GPR161: variants seen among roughly 807,000 people sequenced by gnomAD.
GPR161 encodes G protein-coupled receptor 161, also known as G-protein coupled receptor RE2.
A neutral mutation model predicts 39.2 loss-of-function variants in GPR161; 25 were observed. That is an observed-to-expected ratio of 0.64 (90% CI 0.47 to 0.89). The LOEUF (loss-of-function observed/expected upper bound fraction) is 0.89. Among genes scored for constraint, GPR161 ranks in the 40% least tolerant of loss-of-function variants. The pLI, the probability that GPR161 is intolerant of heterozygous loss-of-function variation, is 0.00. For missense variants in GPR161, 547 were observed against 677.8 expected, an observed-to-expected ratio of 0.81 and a Z score of 2.14; for synonymous variants, 286 against 276.6, an observed-to-expected ratio of 1.03 and a Z score of -0.34.
At chr1:168,136,303 C>A in intron 1 of GPR161, 1 of 1,477,742 alleles carries the variant, frequency 6.8e-7, no homozygotes, top group Non-Finnish European at 9.0e-7. Flanking sequence ...CTTCTCCCCA[C>A]ACCCTTTGCC....
chr1:168,130,314 G>T (rs557233379), intron 1 of GPR161, among the ~76,000 whole-genome samples: 1 of 152,254 alleles, frequency 6.6e-6, no homozygotes, highest in African/African-American at 2.4e-5. Context: ...CAGCATCTTC[G>T]AACTTCCTTT....
At chr1:168,136,236 G>A in intron 1 of GPR161, 1 of 1,309,524 alleles carries the variant, frequency 7.6e-7, no homozygotes, top group Non-Finnish European at 9.8e-7. Context: ...CCTGAGTCCC[G>A]GCTGGGAGAA....
chr1:168,107,294 C>T (rs1379543842), intron 1 of GPR161, among the ~76,000 whole-genome samples: 1 of 152,168 alleles, frequency 6.6e-6, no homozygotes, highest in Non-Finnish European at 1.5e-5. Flanking sequence ...AATGCCTGTA[C>T]CTTCTGAAAC....
intron 1 of GPR161, among the ~76,000 whole-genome samples, chr1:168,112,041 T>G (rs1360754335): frequency 2.6e-5 from 4 of 151,986 alleles, no homozygotes; most frequent in Admixed American, 6.5e-5. Flanking sequence ...TTCTATAATA[T>G]TCAAGAGAAG....
chr1:168,109,632 T>G (rs1402443359), intron 1 of GPR161, among the ~76,000 whole-genome samples: 2 of 152,214 alleles, frequency 1.3e-5, no homozygotes, highest in African/African-American at 4.8e-5. Context: ...TTTTTTTCCA[T>G]GAGAAATCAA....
chr1:168,090,669 C>A lies in GPR161; in HGVS notation c.1100-1G>T. Reference sequence around the variant, plus strand: ...GTGAGGTGTGGGGACAGGCCCAGGTCTGAAAGACAAAATTGGCATTGACAA... The same window carrying A: ...GTGAGGTGTGGGGACAGGCCCAGGTATGAAAGACAAAATTGGCATTGACAA... On this transcript the variant is annotated splice_acceptor_variant, in intron 3 of 5. Transcript: ENST00000682931. LOFTEE classifies it high-confidence loss of function. 6.3e-7 allele frequency: 1 copy of A among 1,587,282 alleles called. No individual in the cohort carries two copies. Among genetic ancestry groups the A allele is most frequent in the South Asian group, 1.1e-5 (1 of 89,978 alleles).
intron 3 of GPR161, among the ~76,000 whole-genome samples, chr1:168,091,057 G>A (rs1272918399): frequency 6.6e-6 from 1 of 152,256 alleles, no homozygotes; most frequent in African/African-American, 2.4e-5. Context: ...ATCAAAGAGG[G>A]ATTTTTAAGA....
In GPR161 at chr1:168,085,424, G is replaced by A; in HGVS notation, c.*107C>T. ...AGATGCTGCTCCTTCCCTGTGTGTG[G>A]CCAGCTGTACACAGTGACATGCTCC... On this transcript the variant is annotated 3_prime_UTR_variant, in exon 6 of 6. Coordinates refer to ENST00000682931, the MANE Select transcript of GPR161 (RefSeq NM_001375883.1). The A allele has an allele frequency of 1.9e-6, 2 of 1,035,456 alleles. No individual in the cohort carries two copies. The highest frequency in any genetic ancestry group is 2.9e-6 in the Non-Finnish European group (2 of 697,840). The allele number at this position is 1,035,456 out of a possible 1,614,324, so 64.1% of individuals were successfully genotyped here.
At chr1:168,119,243 C>CATATATATATATGTAT (rs1356587338) in intron 1 of GPR161, among the ~76,000 whole-genome samples, 2 of 101,610 alleles carry the variant, frequency 2.0e-5, no homozygotes, top group African/African-American at 1.0e-4. Context: ...TATATATATA[C>CATATATATATATGTAT]ACATATATAT....
chr1:168,111,954 C>T (rs1392513534), intron 1 of GPR161, among the ~76,000 whole-genome samples: 5 of 140,208 alleles, frequency 3.6e-5, no homozygotes, highest in African/African-American at 1.3e-4. Flanking sequence ...AAATAGTAGA[C>T]TCTTCAACAG....
intron 2 of GPR161, among the ~76,000 whole-genome samples, chr1:168,103,949 G>T (rs1193138429): frequency 6.6e-6 from 1 of 152,232 alleles, no homozygotes; most frequent in Non-Finnish European, 1.5e-5. Context: ...CTACGTTGAG[G>T]GCGGGAGCAG....
chr1:168,135,984 G>T, intron 1 of GPR161: 1 of 1,179,316 alleles, frequency 8.5e-7, no homozygotes. Flanking sequence ...CAGACCTCCG[G>T]GAAGCACAGG....
intron 1 of GPR161, among the ~76,000 whole-genome samples, chr1:168,128,923 C>T (rs1041833797): frequency 6.6e-6 from 1 of 152,190 alleles, no homozygotes; most frequent in Non-Finnish European, 1.5e-5. Context: ...TTTCCCATTC[C>T]TCACTGAGCT....
intron 1 of GPR161, among the ~76,000 whole-genome samples, chr1:168,119,275 T>TATATGTACATATATATATGTGTAC (rs1558130250): frequency 1.3e-4 from 13 of 101,398 alleles, no homozygotes; most frequent in African/African-American, 5.3e-4. Flanking sequence ...TATGTGTATA[T>TATATGTACATATATATATGTGTAC]ATATATATAT....
rs909250502 is a variant in GPR161, at chr1:168,081,864, A to G, written c.*3667T>C. 4 of 152,498 alleles carry G rather than the reference A, an allele frequency of 2.6e-5. No individual in the cohort carries two copies. Among genetic ancestry groups the G allele is most frequent in the African/African-American group, 9.6e-5 (4 of 41,460 alleles). 9.4% of individuals were successfully genotyped at this position (152,498 alleles called of 1,614,324 possible). On this transcript the variant is annotated 3_prime_UTR_variant, in exon 6 of 6. Coordinates refer to ENST00000682931, the MANE Select transcript of GPR161 (RefSeq NM_001375883.1). ...AGCTCACTGCCTCCTCTTTATAGCC[A>G]CATCATCCTCAGTTCCTTCCAGACA...
intron 1 of GPR161, among the ~76,000 whole-genome samples, chr1:168,122,336 C>G (rs1698241744): frequency 6.6e-6 from 1 of 152,228 alleles, no homozygotes; most frequent in South Asian, 2.1e-4. Context: ...TTACTATTCT[C>G]TGCTACCACC....
At chr1:168,127,614 A>G (rs1698686662) in intron 1 of GPR161, among the ~76,000 whole-genome samples, 1 of 152,224 alleles carries the variant, frequency 6.6e-6, no homozygotes, top group Non-Finnish European at 1.5e-5. Context: ...ACAGTTCCAC[A>G]TGGCTGGGAG....
At chr1:168,111,260 TTGTC>T (rs1404939841) in intron 1 of GPR161, among the ~76,000 whole-genome samples, 1 of 152,150 alleles carries the variant, frequency 6.6e-6, no homozygotes, top group Non-Finnish European at 1.5e-5. Flanking sequence ...ACCTCTGACT[TTGTC>T]TGGTGTCCAA....
intron 1 of GPR161, among the ~76,000 whole-genome samples, chr1:168,123,109 A>G (rs1160959938): frequency 6.6e-6 from 1 of 152,230 alleles, no homozygotes; most frequent in Non-Finnish European, 1.5e-5. Flanking sequence ...TTCTATCAAA[A>G]GAACCCTGAT....
Sources: allele counts gnomAD v4.1 joint callset (sites outside exome capture counted in the v4.1 genomes callset), GRCh38; gene constraint gnomAD v4.1.1; transcripts MANE v1.5; gene names NCBI Gene and HGNC (gene_info 2026-07-23, HGNC 2026-07-21).